The following INHBB variants were observed in gnomAD, a reference collection of about 807,000 sequenced individuals.
The protein encoded by INHBB is inhibin subunit beta B.
A neutral mutation model predicts 28.9 loss-of-function variants in INHBB; 8 were observed. The observed-to-expected ratio is 0.28, with a 90% CI of 0.16 to 0.50. INHBB has a LOEUF of 0.50. INHBB is among the 20% of genes least tolerant of loss of function. The pLI is 0.98. For missense variants in INHBB, 499 were observed against 597.8 expected, an observed-to-expected ratio of 0.83 and a Z score of 1.72; for synonymous variants, 293 against 262.7, an observed-to-expected ratio of 1.12 and a Z score of -1.12.
At position 120,346,539 on chromosome 2, in the gene INHBB, G is replaced by C. The variant is rs757133834; in HGVS notation, c.351G>C (p.Glu117Asp). 41 of 1,522,370 alleles carry C rather than the reference G, an allele frequency of 2.7e-5. No homozygotes were observed. In the Admixed American group the frequency reaches 4.2e-4, roughly 16 times the overall value. 94.3% of individuals were successfully genotyped at this position (1,522,370 alleles called of 1,614,324 possible). A position where few individuals can be genotyped will look rare whatever the true frequency, so the allele number is the denominator to read the frequency against. The change falls in exon 1 of 2, where the codon GAG (glutamate) becomes GAC (aspartate). Residue 117 changes from glutamate (E) to aspartate (D), a missense_variant. By Grantham distance (45) the Glu-to-Asp change is conservative. Transcript: ENST00000295228. ...LRKLHAGKVR[E>D]DGRVEIPHLD... ...AGCTGCACGCGGGCAAGGTGCGCGA[G>C]GACGGCCGCGTGGAGATCCCGCACC...
chr2:120,347,983 G>A (rs865873677), intron 1 of INHBB, among the ~76,000 whole-genome samples: 5 of 152,150 alleles, frequency 3.3e-5, no homozygotes, highest in Non-Finnish European at 7.3e-5. Flanking sequence ...GACAGCGGGG[G>A]CTGTTATATT....
In INHBB at chr2:120,349,050, CT is replaced by C. The variant is rs573539046; in HGVS notation, c.449-47del. The C allele has an allele frequency of 3.9e-5, 60 of 1,548,950 alleles. No homozygotes were observed. The African/African-American group carries it at 6.7e-4, about 17-fold the overall frequency. On this transcript the variant is annotated intron_variant, in intron 1 of 1. Transcript: ENST00000295228. The surrounding 1 kb of genome is among the most constrained non-coding windows in gnomAD (Gnocchi z 5.6). ...GCAGAGAGTGTGTTTCCCCCATTGCCTTGTGTTCTCCTTGAATTAACTTGGC... is the reference window on the plus strand; with the variant it reads ...GCAGAGAGTGTGTTTCCCCCATTGCCTGTGTTCTCCTTGAATTAACTTGGC...
At position 120,347,404 on chromosome 2, in the gene INHBB, C is replaced by G. The variant is rs113214629; in HGVS notation, c.448+768C>G. ...CTCCTTTCTGGAATCCGCCCCCCCC[C>G]CCGGCCCCAGATTGCAAATCTCTAA... On this transcript the variant is annotated intron_variant, in intron 1 of 1. Coordinates refer to ENST00000295228, the MANE Select transcript of INHBB (RefSeq NM_002193.4). Among the ~76,000 whole-genome samples, 467 of 150,838 alleles carry G rather than the reference C, an allele frequency of 3.1e-3. 2 individuals carry two copies. Among genetic ancestry groups the G allele is most frequent in the Non-Finnish European group, 5.1e-3 (343 of 67,588 alleles).
In INHBB at chr2:120,349,318, G is replaced by A. The variant is rs755558554; in HGVS notation, c.668G>A (p.Arg223His). The A allele has an allele frequency of 1.9e-6, 3 of 1,614,012 alleles. No homozygotes were observed. The highest frequency in any genetic ancestry group is 1.3e-5 in the African/African-American group (1 of 74,936). Residue 223 changes from arginine to histidine, a missense_variant, in exon 2 of 2, where the codon CGC becomes CAC. Coordinates refer to ENST00000295228, the MANE Select transcript of INHBB (RefSeq NM_002193.4). This position sits in a 1 kb window ranked among gnomAD's most constrained non-coding sequence, Gnocchi z 5.6. ...NMVEKRVDLK[R>H]SGWHTFPLTE... ...GTGGAGAAGAGGGTGGACCTCAAGC[G>A]CAGCGGCTGGCATACCTTCCCACTC...
chr2:120,347,281 G>A (rs2104573424), intron 1 of INHBB, among the ~76,000 whole-genome samples: 1 of 152,286 alleles, frequency 6.6e-6, no homozygotes. Flanking sequence ...CACAGAGAAA[G>A]CCGCGGTTCG....
intron 1 of INHBB, among the ~76,000 whole-genome samples, chr2:120,348,501 G>A (rs1691201173): frequency 6.6e-6 from 1 of 152,072 alleles, no homozygotes; most frequent in African/African-American, 2.4e-5. Context: ...AGGCTCTGCA[G>A]CCTGCAAAGC....
At chr2:120,346,760 G>T in intron 1 of INHBB, 124 bp downstream of exon 1, 1 of 996,166 alleles carries the variant, frequency 1.0e-6, no homozygotes, top group Non-Finnish European at 1.4e-6. Context: ...CTGGACTCCC[G>T]GCAGAGCTCC....
Position 120,346,313 on chromosome 2 carries a change from C to A in INHBB, c.125C>A (p.Pro42His). 1 of 1,382,362 alleles carries A rather than the reference C, an allele frequency of 7.2e-7. No homozygotes were observed. The highest frequency in any genetic ancestry group is 1.7e-5 in the South Asian group (1 of 59,758). The allele number at this position is 1,382,362 out of a possible 1,614,324, so 85.6% of individuals were successfully genotyped here. A position where few individuals can be genotyped will look rare whatever the true frequency, so the allele number is the denominator to read the frequency against. Reference sequence around the variant, plus strand: ...CCGACGCCTGCCGCGCCGCCGCCACCCCCGCCACCCGGATCCCCGGGTGGC... The same window carrying A: ...CCGACGCCTGCCGCGCCGCCGCCACACCCGCCACCCGGATCCCCGGGTGGC... ...PPPTPAAPPP[P>H]PPPGSPGGSQ... The change falls in exon 1 of 2, where the codon CCC becomes CAC. Residue 42 changes from proline (P) to histidine (H), a missense_variant. Pro to His is a moderately conservative substitution (Grantham distance 77). Around this residue, in one of 2 missense-constraint regions of INHBB, gnomAD observed 385 missense variants for 415.2 expected, o/e 0.93. Transcript: ENST00000295228.
intron 1 of INHBB, 63 bp downstream of exon 1, chr2:120,346,699 C>A: frequency 7.4e-7 from 1 of 1,345,282 alleles, no homozygotes; most frequent in Non-Finnish European, 9.5e-7. Flanking sequence ...CCTCTCCTTG[C>A]TAGCTCCGGC....
rs975677798 is a variant in INHBB at position 120,349,267 on chromosome 2, A to C, written c.617A>C (p.Gln206Pro). 1.2e-6 allele frequency: 2 copies of C among 1,614,094 alleles called. No individual in the cohort carries two copies. The highest frequency in any genetic ancestry group is 1.7e-6 in the Non-Finnish European group (2 of 1,180,044). ...KVRVKVYFQEQGHGDRWNMVE... is the reference protein window; with the variant it reads ...KVRVKVYFQEPGHGDRWNMVE... Reference sequence around the variant, plus strand: ...CGGGTCAAAGTGTACTTCCAGGAGCAGGGCCACGGTGACAGGTGGAACATG... The same window carrying C: ...CGGGTCAAAGTGTACTTCCAGGAGCCGGGCCACGGTGACAGGTGGAACATG... Residue 206 changes from glutamine to proline, a missense_variant, in exon 2 of 2, where the codon CAG (glutamine) becomes CCG (proline). Physicochemically the swap from Gln to Pro is moderately conservative, Grantham distance 76 (BLOSUM62 -1). Transcript: ENST00000295228. This position sits in a 1 kb window ranked among gnomAD's most constrained non-coding sequence, Gnocchi z 5.6.
rs996254805 is a variant in INHBB at position 120,350,884 on chromosome 2, G to T, written c.*1010G>T. 6 of 152,720 alleles carry T rather than the reference G, an allele frequency of 3.9e-5. No individual in the cohort carries two copies. Among genetic ancestry groups the T allele is most frequent in the African/African-American group, 1.4e-4 (6 of 41,476 alleles). 9.5% of individuals were successfully genotyped at this position (152,720 alleles called of 1,614,324 possible). ...TGAGACCGCAGGAGGAAATGGCGGGGAGGAGGCATTCTTGAACTGCTGAGG... is the reference window on the plus strand; with the variant it reads ...TGAGACCGCAGGAGGAAATGGCGGGTAGGAGGCATTCTTGAACTGCTGAGG... On this transcript the variant is annotated 3_prime_UTR_variant, in exon 2 of 2. Coordinates refer to ENST00000295228, the MANE Select transcript of INHBB (RefSeq NM_002193.4).
At position 120,351,764 on chromosome 2, in the gene INHBB, C is replaced by T. The variant is rs923686045; in HGVS notation, c.*1890C>T. The T allele has an allele frequency of 7.2e-5, 11 of 152,286 alleles. No individual in the cohort carries two copies. Among genetic ancestry groups the T allele is most frequent in the African/African-American group, 2.4e-4 (10 of 41,546 alleles). 9.4% of individuals were successfully genotyped at this position (152,286 alleles called of 1,614,324 possible). ...ATAGACTTGCTGTTAAAGTATTGTA[C>T]GTTTGTGTACAGTTTAAGAAAATAA... On this transcript the variant is annotated 3_prime_UTR_variant, in exon 2 of 2. Coordinates refer to ENST00000295228, the MANE Select transcript of INHBB (RefSeq NM_002193.4).
At chr2:120,348,644 C>G (rs1377039472) in intron 1 of INHBB, among the ~76,000 whole-genome samples, 4 of 124,348 alleles carry the variant, frequency 3.2e-5, no homozygotes, top group Non-Finnish European at 6.5e-5. Context: ...TTTTGCAATG[C>G]GCTAAGTTAA....
At chr2:120,348,893 C>T (rs1024638702) in intron 1 of INHBB, among the ~76,000 whole-genome samples, 2 of 152,084 alleles carry the variant, frequency 1.3e-5, no homozygotes, top group African/African-American at 4.8e-5. Context: ...CCAGCCTGGT[C>T]CGGGTTTCTC....
intron 1 of INHBB, among the ~76,000 whole-genome samples, chr2:120,348,335 G>T (rs1202235986): frequency 1.3e-5 from 2 of 150,762 alleles, no homozygotes; most frequent in East Asian, 2.0e-4. Context: ...CCTCCTTCTT[G>T]TTGAGCTGAA....
At chr2:120,347,398 C>G (rs1051672007) in intron 1 of INHBB, among the ~76,000 whole-genome samples, 4 of 145,136 alleles carry the variant, frequency 2.8e-5, no homozygotes, top group African/African-American at 5.1e-5. Flanking sequence ...GGAATCCGCC[C>G]CCCCCCCCGG....
intron 1 of INHBB, among the ~76,000 whole-genome samples, chr2:120,347,184 G>A (rs1445132105): frequency 6.6e-6 from 1 of 152,168 alleles, no homozygotes; most frequent in African/African-American, 2.4e-5. Context: ...CTGAAGCCTC[G>A]CTGGGGAGAG....
Position 120,350,166 on chromosome 2 carries a change from T to G in INHBB, c.*292T>G. The G allele has an allele frequency of 2.5e-6, 1 of 397,008 alleles. No individual in the cohort carries two copies. The allele number at this position is 397,008 out of a possible 1,614,324, so 24.6% of individuals were successfully genotyped here. A position where few individuals can be genotyped will look rare whatever the true frequency, so the allele number is the denominator to read the frequency against. The stretch of plus-strand genomic sequence containing the variant: ...CAGCAGCCTCCAGGATACCAGCAAA[T>G]GGATGCGGTGACAAATGGCAGCTTA... On this transcript the variant is annotated 3_prime_UTR_variant, in exon 2 of 2. Transcript: ENST00000295228.
At chr2:120,348,222 G>GGAA (rs553765126) in intron 1 of INHBB, among the ~76,000 whole-genome samples, 10 of 77,844 alleles carry the variant, frequency 1.3e-4, no homozygotes, top group African/African-American at 5.7e-4. Context: ...TGTTCTTCCT[G>GGAA]AAAAAAAAAA....
Sources: gnomAD v4.1 joint callset for allele counts (sites outside exome capture counted in the v4.1 genomes callset) on GRCh38, gnomAD v4.1.1 for gene constraint, gnomAD v4.1.1 regional missense constraint, Gnocchi (gnomAD v3.1) non-coding constraint, MANE v1.5 for transcripts, NCBI Gene and HGNC (gene_info 2026-07-23, HGNC 2026-07-21) for gene names.